Variants in GPATCH2 observed in about 807,000 individuals in gnomAD.
GPATCH2 encodes the protein G-patch domain containing 2.
GPATCH2 carries 51 observed loss-of-function variants against 58.0 expected under a neutral mutation model. That is an observed-to-expected ratio of 0.88 (90% confidence interval 0.70 to 1.11). GPATCH2 has a LOEUF of 1.11. GPATCH2 is among the 50% of genes most tolerant of loss of function. The pLI, the probability that GPATCH2 is intolerant of heterozygous loss-of-function variation, is 0.00. For missense variants in GPATCH2, 625 were observed against 652.2 expected, an observed-to-expected ratio of 0.96 and a Z score of 0.45; for synonymous variants, 222 against 218.5, an observed-to-expected ratio of 1.02 and a Z score of -0.14.
At chr1:217,460,235 T>A (rs1322844571) in intron 8 of GPATCH2, among the ~76,000 whole-genome samples, 2 of 152,176 alleles carry the variant, frequency 1.3e-5, no homozygotes, top group Non-Finnish European at 2.9e-5. Flanking sequence ...GTTAAGTTAT[T>A]GTATTTGTAA....
At chr1:217,455,951 G>C (rs2102479987) in intron 8 of GPATCH2, among the ~76,000 whole-genome samples, 1 of 152,034 alleles carries the variant, frequency 6.6e-6, no homozygotes, top group South Asian at 2.1e-4. Context: ...ATTTGGCTGG[G>C]GATAGTCAGA....
intron 6 of GPATCH2, among the ~76,000 whole-genome samples, chr1:217,500,927 G>T (rs1317736102): frequency 6.6e-6 from 1 of 151,860 alleles, no homozygotes; most frequent in Non-Finnish European, 1.5e-5. Flanking sequence ...CGTGCAGTTG[G>T]TAGAGATCCT....
At chr1:217,524,289 T>C (rs1663690263) in intron 5 of GPATCH2, among the ~76,000 whole-genome samples, 3 of 147,946 alleles carry the variant, frequency 2.0e-5, no homozygotes, top group African/African-American at 5.2e-5. Flanking sequence ...CGCTCCTCAC[T>C]TCCTAGATGG....
chr1:217,584,490 T>C lies in GPATCH2; in HGVS notation c.1098+25831A>G, dbSNP rs572962431. 8.2e-4 allele frequency among the ~76,000 whole-genome samples: 124 copies of C among 151,338 alleles called. No individual in the cohort carries two copies. The Middle Eastern group carries it at 0.01, about 13-fold the overall frequency. ...GTTGCAGTGAGCCTAGATTGCACCA[T>C]TGCACTCCAGCTTGGGCGAAAGAGT... On this transcript the variant is annotated intron_variant, in intron 5 of 9. Coordinates refer to ENST00000366935, the MANE Select transcript of GPATCH2 (RefSeq NM_018040.5).
rs1290076114 is a variant in GPATCH2, at chr1:217,433,374, ATATATATATATTTATT to A, written c.1367-2025_1367-2010del. Among the ~76,000 whole-genome samples, 60 of 124,600 alleles carry A rather than the reference ATATATATATATTTATT, an allele frequency of 4.8e-4. No homozygotes were observed. In the South Asian group the frequency reaches 5.2e-3, roughly 11 times the overall value. 81.7% of individuals were successfully genotyped at this position (124,600 alleles called of 152,430 possible). On this transcript the variant is annotated intron_variant, in intron 9 of 9. Transcript: ENST00000366935. ...CTTTAAGCTGTTCATATATATATATATATATATATATTTATTTATTTATTTATTTATTTATTTATTT... is the reference window on the plus strand; with the variant it reads ...CTTTAAGCTGTTCATATATATATATATATTTATTTATTTATTTATTTATTT...
At chr1:217,436,090 T>TG (rs1276913657) in intron 9 of GPATCH2, among the ~76,000 whole-genome samples, 1 of 152,042 alleles carries the variant, frequency 6.6e-6, no homozygotes, top group Non-Finnish European at 1.5e-5. Flanking sequence ...GTTACTGACA[T>TG]GTTTAGAGGA....
chr1:217,603,898 T>C (rs556459443), intron 5 of GPATCH2, among the ~76,000 whole-genome samples: 49 of 152,160 alleles, frequency 3.2e-4, no homozygotes, highest in Admixed American at 7.2e-4. Flanking sequence ...GCTGTGATTA[T>C]AGGTGTGAGC....
intron 5 of GPATCH2, among the ~76,000 whole-genome samples, chr1:217,556,374 A>G (rs999631321): frequency 6.6e-6 from 1 of 152,276 alleles, no homozygotes; most frequent in East Asian, 1.9e-4. Context: ...TTCTCTTTCT[A>G]TTCATTAGTT....
intron 5 of GPATCH2, among the ~76,000 whole-genome samples, chr1:217,517,708 T>G (rs146910334): frequency 6.6e-4 from 101 of 152,226 alleles, no homozygotes; most frequent in African/African-American, 2.4e-3. Context: ...AGCATATAAT[T>G]AAGTATGGTG....
rs573054308 is a variant in GPATCH2, at chr1:217,622,653, C to G, written c.57-2154G>C. Among the ~76,000 whole-genome samples, 4 of 152,198 alleles carry G rather than the reference C, an allele frequency of 2.6e-5. No individual in the cohort carries two copies. In the East Asian group the frequency reaches 7.7e-4, roughly 29 times the overall value. ...CTGCCTCCCGGGTTCAAGTGATTCT[C>G]CTGCCTTAACCTCCCGAGTAGCTGG... On this transcript the variant is annotated intron_variant, in intron 1 of 9. Transcript: ENST00000366935.
chr1:217,545,017 A>T (rs1664960864), intron 5 of GPATCH2, among the ~76,000 whole-genome samples: 1 of 152,062 alleles, frequency 6.6e-6, no homozygotes, highest in Non-Finnish European at 1.5e-5. Context: ...TGTTTTTCTC[A>T]ACATCTCCCT....
intron 5 of GPATCH2, among the ~76,000 whole-genome samples, chr1:217,595,955 G>C (rs1167048517): frequency 6.6e-6 from 1 of 151,934 alleles, no homozygotes; most frequent in African/African-American, 2.4e-5. Context: ...AAACTGACAG[G>C]TAACAGAATA....
intron 6 of GPATCH2, among the ~76,000 whole-genome samples, chr1:217,508,872 A>T (rs1662696809): frequency 6.6e-6 from 1 of 152,106 alleles, no homozygotes; most frequent in African/African-American, 2.4e-5. Flanking sequence ...ATTTCTGATT[A>T]AAAAAACCTA....
At chr1:217,573,019 G>T (rs1666640885) in intron 5 of GPATCH2, among the ~76,000 whole-genome samples, 1 of 152,194 alleles carries the variant, frequency 6.6e-6, no homozygotes, top group African/African-American at 2.4e-5. Context: ...AGAAGTGCAA[G>T]AAGAAAGGAA....
At chr1:217,453,144 G>T (rs1372017168) in intron 8 of GPATCH2, among the ~76,000 whole-genome samples, 2 of 152,202 alleles carry the variant, frequency 1.3e-5, no homozygotes, top group African/African-American at 4.8e-5. Flanking sequence ...TGAGTCATTT[G>T]TCTTTGCAAA....
At chr1:217,547,635 A>G (rs1010143633) in intron 5 of GPATCH2, among the ~76,000 whole-genome samples, 3 of 152,192 alleles carry the variant, frequency 2.0e-5, no homozygotes, top group Non-Finnish European at 4.4e-5. Context: ...ATGCCAATCA[A>G]TAAACCGGAT....
At chr1:217,625,836 T>G (rs1177028225) in intron 1 of GPATCH2, among the ~76,000 whole-genome samples, 1 of 151,936 alleles carries the variant, frequency 6.6e-6, no homozygotes, top group African/African-American at 2.4e-5. Flanking sequence ...ATACAAAAAT[T>G]AGCTGGCCGT....
At chr1:217,478,659 G>A (rs561076331) in intron 8 of GPATCH2, among the ~76,000 whole-genome samples, 98 of 150,914 alleles carry the variant, frequency 6.5e-4, no homozygotes, top group African/African-American at 2.3e-3. Flanking sequence ...AAGTATGAGA[G>A]TAATTGGCCT....
At chr1:217,457,483 AT>A (rs1446814111) in intron 8 of GPATCH2, among the ~76,000 whole-genome samples, 2 of 152,224 alleles carry the variant, frequency 1.3e-5, no homozygotes, top group Admixed American at 1.3e-4. Flanking sequence ...TACTATTATT[AT>A]CATCCCCACC....
Sources: gnomAD v4.1 joint callset for allele counts (sites outside exome capture counted in the v4.1 genomes callset) on GRCh38, gnomAD v4.1.1 for gene constraint, MANE v1.5 for transcripts, NCBI Gene and HGNC (gene_info 2026-07-23, HGNC 2026-07-21) for gene names.